DDX24: variants seen among roughly 807,000 people sequenced by gnomAD.
DDX24 encodes the protein ATP-dependent RNA helicase DDX24.
A neutral mutation model predicts 68.9 loss-of-function variants in DDX24; 24 were observed. The observed-to-expected ratio is 0.35, with a 90% CI of 0.25 to 0.49. The LOEUF (loss-of-function observed/expected upper bound fraction) is 0.49, where lower values mean the gene tolerates loss of function less well. Ranked by LOEUF, DDX24 falls within the 20% of genes least tolerant of loss-of-function variation. The probability of loss-of-function intolerance (pLI) is 0.99; values close to 1 mark genes in which losing one functional copy is unlikely to be tolerated. For missense variants in DDX24, 989 were observed against 1,039.0 expected, an observed-to-expected ratio of 0.95 and a Z score of 0.66; for synonymous variants, 395 against 385.2, an observed-to-expected ratio of 1.03 and a Z score of -0.30.
At chr14:94,062,002 T>C in intron 3 of DDX24, 95 bp downstream of exon 3, 2 of 1,350,912 alleles carry the variant, frequency 1.5e-6, no homozygotes, top group Non-Finnish European at 9.9e-7. Context: ...GAGAGTGGCT[T>C]ACCCTAGAGG....
Position 94,060,516 on chromosome 14 carries a change from G to C in DDX24, c.1495C>G (p.Pro499Ala). The change falls in exon 5 of 9, where the codon CCA (proline) becomes GCA (alanine). Residue 499 changes from proline to alanine, a missense_variant. Pro to Ala is a conservative substitution (Grantham distance 27). Transcript: ENST00000621632. ...LEMLNDSQYN[P>A]KRQTLVFSAT... The stretch of plus-strand genomic sequence containing the variant: ...GAAAAAACAAGCGTTTGTCTCTTTG[G>C]GTTGTATTGGGAGTCATTGAGCATC... 1.9e-6 allele frequency: 3 copies of C among 1,614,120 alleles called. No individual in the cohort carries two copies. The East Asian group carries it at 6.7e-5, about 36-fold the overall frequency.
intron 2 of DDX24, among the ~76,000 whole-genome samples, chr14:94,073,803 G>C (rs1885880708): frequency 6.6e-6 from 1 of 152,014 alleles, no homozygotes; most frequent in African/African-American, 2.4e-5. Flanking sequence ...CAGAACTTTG[G>C]GAGGCCGAGG....
In DDX24 at chr14:94,062,547, G is replaced by A; in HGVS notation, c.793C>T (p.Pro265Ser). ...VLQWQKRNAAPPPSNTEAPPG... is the reference protein window; with the variant it reads ...VLQWQKRNAASPPSNTEAPPG... ...GGTGCTTCGGTGTTACTTGGAGGAG[G>A]GGCAGCATTCCTCTTCTGCCACTGC... The change falls in exon 3 of 9, where the codon CCT becomes TCT. Residue 265 changes from proline (P) to serine (S), a missense_variant. Around this residue, in one of 3 missense-constraint regions of DDX24, gnomAD observed 691 missense variants for 760.0 expected, o/e 0.91. Transcript: ENST00000621632. 1.9e-6 allele frequency: 3 copies of A among 1,614,112 alleles called. No homozygotes were observed. The highest frequency in any genetic ancestry group is 2.5e-6 in the Non-Finnish European group (3 of 1,180,018).
At chr14:94,061,793 C>A (rs1281152409) in intron 3 of DDX24, among the ~76,000 whole-genome samples, 1 of 152,118 alleles carries the variant, frequency 6.6e-6, no homozygotes, top group African/African-American at 2.4e-5. Flanking sequence ...CAATATAAAA[C>A]CAAATGGGTG....
At chr14:94,065,182 G>A (rs1464787721) in intron 2 of DDX24, among the ~76,000 whole-genome samples, 1 of 151,866 alleles carries the variant, frequency 6.6e-6, no homozygotes, top group Non-Finnish European at 1.5e-5. Flanking sequence ...CCAAGTAGCT[G>A]GGACTACAGG....
chr14:94,051,187 C>CAGGG lies in DDX24; in HGVS notation c.*3_*4insCCCT. 6.5e-7 allele frequency: 1 copy of CAGGG among 1,527,026 alleles called. No individual in the cohort carries two copies. The highest frequency in any genetic ancestry group is 2.2e-5 in the Admixed American group (1 of 46,282). 94.6% of individuals were successfully genotyped at this position (1,527,026 alleles called of 1,614,324 possible). ...AATGTGCAGTCACTGACACACTTGA[C>CAGGG]CAGTTAATTTGCACTTGTACTTGGC... On this transcript the variant is annotated 3_prime_UTR_variant, in exon 9 of 9. Transcript: ENST00000621632.
Position 94,060,935 on chromosome 14 carries a change from A to G in DDX24, c.1375T>C (p.Leu459=). The change falls in exon 4 of 9, where the codon TTG becomes CTG. Residue 459 remains leucine (L), a synonymous_variant. Transcript: ENST00000621632. ...WELIKEKHYH[L]RNLRQLRCLV... The stretch of plus-strand genomic sequence containing the variant: ...TACCTGAGCTGCCGAAGGTTCCTCA[A>G]ATGATAATGCTTTTCTTTAATTAAT... The G allele has an allele frequency of 6.2e-7, 1 of 1,614,190 alleles. No homozygotes were observed. Among genetic ancestry groups the G allele is most frequent in the Non-Finnish European group, 8.5e-7 (1 of 1,180,026 alleles).
chr14:94,053,632 T>C (rs986512178), intron 7 of DDX24, among the ~76,000 whole-genome samples: 1 of 151,940 alleles, frequency 6.6e-6, no homozygotes, highest in African/African-American at 2.4e-5. Flanking sequence ...CTGACCAACA[T>C]GGAGAAACCC....
At chr14:94,051,633 G>A (rs1595371853) in intron 8 of DDX24, 171 bp from the exon 9 acceptor site, 4 of 740,562 alleles carry the variant, frequency 5.4e-6, no homozygotes, top group East Asian at 2.8e-5. Flanking sequence ...AATGGATAAC[G>A]TCTAACCATT....
At chr14:94,067,543 C>T (rs1184647381) in intron 2 of DDX24, among the ~76,000 whole-genome samples, 1 of 152,114 alleles carries the variant, frequency 6.6e-6, no homozygotes, top group Non-Finnish European at 1.5e-5. Flanking sequence ...TTAGGTTATA[C>T]AAAGTTAAGA....
At chr14:94,075,192 C>G (rs79076124) in intron 2 of DDX24, among the ~76,000 whole-genome samples, 1,908 of 152,276 alleles carry the variant, frequency 0.013, 43 homozygotes, top group African/African-American at 0.042. Context: ...AGGCCTACAA[C>G]AGTCAAAATA....
At chr14:94,066,216 T>G (rs981216884) in intron 2 of DDX24, among the ~76,000 whole-genome samples, 1 of 152,114 alleles carries the variant, frequency 6.6e-6, no homozygotes, top group African/African-American at 2.4e-5. Context: ...GGCCCATGAC[T>G]GCTGGCTTTC....
intron 2 of DDX24, among the ~76,000 whole-genome samples, chr14:94,077,725 A>C (rs1051304676): frequency 6.6e-6 from 1 of 152,164 alleles, no homozygotes; most frequent in African/African-American, 2.4e-5. Context: ...TCTTCCATCT[A>C]TATGACTGCC....
At chr14:94,072,866 A>G (rs1482589694) in intron 2 of DDX24, among the ~76,000 whole-genome samples, 1 of 152,132 alleles carries the variant, frequency 6.6e-6, no homozygotes, top group Non-Finnish European at 1.5e-5. Flanking sequence ...TCATGTAACC[A>G]AATACCACTT....
rs770024404 is a variant in DDX24, at chr14:94,060,588, G to C, written c.1423C>G (p.Arg475Gly). 2.5e-6 allele frequency: 4 copies of C among 1,613,710 alleles called. No individual in the cohort carries two copies. Among genetic ancestry groups the C allele is most frequent in the African/African-American group, 1.3e-5 (1 of 74,968 alleles). Reference sequence around the variant, plus strand: ...GCAAAATGGCCTTTCTCAACCATCCGGTCAGCCTCATCCACTACCAGGCAC... The same window carrying C: ...GCAAAATGGCCTTTCTCAACCATCCCGTCAGCCTCATCCACTACCAGGCAC... ...LRCLVVDEADRMVEKGHFAEL... is the reference protein window; with the variant it reads ...LRCLVVDEADGMVEKGHFAEL... Residue 475 changes from arginine (R) to glycine (G), a missense_variant, in exon 5 of 9, where the codon CGG (arginine) becomes GGG (glycine). By Grantham distance (125) the Arg-to-Gly change is moderately radical. Coordinates refer to ENST00000621632, the MANE Select transcript of DDX24 (RefSeq NM_020414.4).
chr14:94,071,721 G>A (rs11160159), intron 2 of DDX24, among the ~76,000 whole-genome samples: 7,856 of 151,970 alleles, frequency 0.052, 628 homozygotes, highest in African/African-American at 0.17. Flanking sequence ...CGAGATGGGC[G>A]GATCACCCGA....
intron 3 of DDX24, among the ~76,000 whole-genome samples, chr14:94,061,384 T>C (rs938717460): frequency 3.3e-5 from 5 of 152,280 alleles, no homozygotes; most frequent in African/African-American, 1.2e-4. Context: ...TGGGGCACCA[T>C]AATGCTGGGA....
chr14:94,080,203 T>C (rs1886039867), intron 1 of DDX24, among the ~76,000 whole-genome samples: 1 of 152,212 alleles, frequency 6.6e-6, no homozygotes, highest in African/African-American at 2.4e-5. Flanking sequence ...GTTTTTCTTG[T>C]GGGGGCAGGA....
At chr14:94,078,719 T>C (rs1885995820) in intron 2 of DDX24, among the ~76,000 whole-genome samples, 1 of 152,166 alleles carries the variant, frequency 6.6e-6, no homozygotes, top group South Asian at 2.1e-4. Flanking sequence ...CCACTTCCAA[T>C]GTACAGTGTA....
Sources: allele counts gnomAD v4.1 joint callset (sites outside exome capture counted in the v4.1 genomes callset), GRCh38; gene constraint gnomAD v4.1.1; regional missense constraint gnomAD v4.1.1; transcripts MANE v1.5; gene names NCBI Gene and HGNC (gene_info 2026-07-23, HGNC 2026-07-21).